The following MCF2L2 variants were observed in gnomAD, a reference collection of about 807,000 sequenced individuals.
MCF2L2 encodes the protein MCF.2 cell line derived transforming sequence-like 2.
Under a neutral mutation model 150.2 loss-of-function variants are expected in MCF2L2, and 102 were observed. The observed-to-expected ratio is 0.68, with a 90% CI of 0.58 to 0.80. MCF2L2 has a LOEUF of 0.80. Among genes scored for constraint, MCF2L2 ranks in the 30% least tolerant of loss-of-function variants. MCF2L2 has a pLI of 0.00. For synonymous variants in MCF2L2, 465 were observed against 491.3 expected (o/e 0.95, Z 0.71); for missense variants, 1,256 against 1,372.8 (o/e 0.91, Z 1.34).
At chr3:183,213,780 A>C (rs1186163073) in intron 22 of MCF2L2, among the ~76,000 whole-genome samples, 1 of 152,180 alleles carries the variant, frequency 6.6e-6, no homozygotes, top group Non-Finnish European at 1.5e-5. Context: ...CTTTCCATGG[A>C]TCTTCTTTTG....
At chr3:183,192,421 G>A (rs1721930191) in intron 27 of MCF2L2, among the ~76,000 whole-genome samples, 1 of 152,234 alleles carries the variant, frequency 6.6e-6, no homozygotes, top group African/African-American at 2.4e-5. Context: ...TTATAGGCGT[G>A]AGCCACCGTG....
intron 4 of MCF2L2, among the ~76,000 whole-genome samples, chr3:183,340,597 T>C (rs1730657330): frequency 6.6e-6 from 1 of 152,134 alleles, no homozygotes; most frequent in African/African-American, 2.4e-5. Context: ...CCTCCCACCA[T>C]GCTACTTAAA....
intron 10 of MCF2L2, among the ~76,000 whole-genome samples, chr3:183,306,605 C>T (rs1330416997): frequency 1.3e-5 from 2 of 152,196 alleles, no homozygotes; most frequent in Non-Finnish European, 2.9e-5. Flanking sequence ...CACAGAGGAT[C>T]CACAGGGATG....
intron 26 of MCF2L2, among the ~76,000 whole-genome samples, chr3:183,194,128 A>G (rs149388454): frequency 6.4e-4 from 98 of 152,158 alleles, no homozygotes; most frequent in African/African-American, 2.3e-3. Flanking sequence ...AGGGGGAGAA[A>G]CAGCTGCTTT....
chr3:183,278,790 C>A (rs1321155016), intron 14 of MCF2L2, among the ~76,000 whole-genome samples: 1 of 152,180 alleles, frequency 6.6e-6, no homozygotes, highest in Non-Finnish European at 1.5e-5. Context: ...GGAAAAATAA[C>A]AATGATTCAG....
chr3:183,385,288 T>C (rs762311611), intron 2 of MCF2L2, among the ~76,000 whole-genome samples: 1 of 152,242 alleles, frequency 6.6e-6, no homozygotes, highest in Non-Finnish European at 1.5e-5. Flanking sequence ...AGTCCTGCTC[T>C]AGATGTCGCC....
chr3:183,258,645 C>A (rs1307250489), intron 15 of MCF2L2, among the ~76,000 whole-genome samples: 2 of 152,172 alleles, frequency 1.3e-5, no homozygotes, highest in African/African-American at 2.4e-5. Flanking sequence ...GACACCACCC[C>A]CCCGCCCCTG....
At chr3:183,199,335 G>A (rs1722178150) in intron 25 of MCF2L2, among the ~76,000 whole-genome samples, 1 of 152,156 alleles carries the variant, frequency 6.6e-6, no homozygotes, top group Admixed American at 6.5e-5. Context: ...CTTTCCACAT[G>A]AAACTGGCAT....
chr3:183,308,442 A>G lies in MCF2L2; in HGVS notation c.1113+1274T>C, dbSNP rs191098527. Among the ~76,000 whole-genome samples, 9 of 152,338 alleles carry G rather than the reference A, an allele frequency of 5.9e-5. No individual in the cohort carries two copies. In the East Asian group the frequency reaches 1.7e-3, roughly 29 times the overall value. ...GGTATCTAGTCATCATATATATGAA[A>G]TTCAACTTTTCCATTGTTTGATAAA... On this transcript the variant is annotated intron_variant, in intron 10 of 29. Coordinates refer to ENST00000328913, the MANE Select transcript of MCF2L2 (RefSeq NM_015078.4).
chr3:183,310,524 A>G (rs1481940312), intron 9 of MCF2L2: 2 of 269,768 alleles, frequency 7.4e-6, no homozygotes, highest in South Asian at 3.1e-5. Context: ...ACCGGGTGTG[A>G]TGGTGGGGCA....
intron 25 of MCF2L2, among the ~76,000 whole-genome samples, chr3:183,200,080 A>C (rs1350089785): frequency 6.6e-6 from 1 of 152,190 alleles, no homozygotes; most frequent in African/African-American, 2.4e-5. Flanking sequence ...GTGCTGCAAT[A>C]AACATACGTG....
chr3:183,320,591 C>T (rs1729771602), intron 6 of MCF2L2, among the ~76,000 whole-genome samples: 1 of 152,148 alleles, frequency 6.6e-6, no homozygotes, highest in Non-Finnish European at 1.5e-5. Flanking sequence ...AGAACTAGGG[C>T]CTTGCTCTGG....
chr3:183,232,560 A>G (rs1245776361), intron 15 of MCF2L2, among the ~76,000 whole-genome samples: 1 of 152,128 alleles, frequency 6.6e-6, no homozygotes, highest in Non-Finnish European at 1.5e-5. Context: ...TAGAATATAT[A>G]TATTTATTCT....
rs138054053 is a variant in MCF2L2 at position 183,209,565 on chromosome 3, C to T, written c.2497-1742G>A. On this transcript the variant is annotated intron_variant, in intron 22 of 29. Coordinates refer to ENST00000328913, the MANE Select transcript of MCF2L2 (RefSeq NM_015078.4). Reference sequence around the variant, plus strand: ...GTAGAGTGGCACGACCTTGGCTCACCGCAACCTCTGTCTCCTGAGTTCAAG... The same window carrying T: ...GTAGAGTGGCACGACCTTGGCTCACTGCAACCTCTGTCTCCTGAGTTCAAG... Among the ~76,000 whole-genome samples, 1,343 of 152,198 alleles carry T rather than the reference C, an allele frequency of 8.8e-3. 7 individuals carry two copies. Among genetic ancestry groups the T allele is most frequent in the Non-Finnish European group, 0.013 (873 of 68,004 alleles).
At chr3:183,417,463 T>C (rs1052760516) in intron 1 of MCF2L2, among the ~76,000 whole-genome samples, 4 of 150,682 alleles carry the variant, frequency 2.7e-5, no homozygotes, top group African/African-American at 9.8e-5. Flanking sequence ...GCTTTTCAAA[T>C]CAGTTAAAAG....
chr3:183,410,205 A>G (rs57518696), intron 1 of MCF2L2, among the ~76,000 whole-genome samples: 3,524 of 152,252 alleles, frequency 0.023, 146 homozygotes, highest in African/African-American at 0.08. Flanking sequence ...CTCAAGTCAC[A>G]TCTCATATGA....
At chr3:183,298,118 G>C (rs558135962) in intron 11 of MCF2L2, 2 of 152,322 alleles carry the variant, frequency 1.3e-5, no homozygotes, top group South Asian at 2.1e-4. Context: ...TCAGCACAGC[G>C]ATACTCAAGA....
intron 15 of MCF2L2, among the ~76,000 whole-genome samples, chr3:183,242,718 C>A (rs1436733931): frequency 6.6e-6 from 1 of 152,194 alleles, no homozygotes; most frequent in African/African-American, 2.4e-5. Context: ...AGAGTGCCCA[C>A]TGGGACACTG....
At chr3:183,226,809 C>T (rs911043611) in intron 18 of MCF2L2, 6 of 152,054 alleles carry the variant, frequency 3.9e-5, no homozygotes, top group African/African-American at 1.4e-4. Flanking sequence ...TGCAAAAATT[C>T]AAAATAGTAT....
Sources: gnomAD v4.1 joint callset for allele counts (sites outside exome capture counted in the v4.1 genomes callset) on GRCh38, gnomAD v4.1.1 for gene constraint, MANE v1.5 for transcripts, NCBI Gene and HGNC (gene_info 2026-07-23, HGNC 2026-07-21) for gene names.